Variants in ERG observed in about 807,000 individuals in gnomAD.
ERG encodes the protein ETS transcription factor ERG, also known as transcriptional regulator ERG.
Under a neutral mutation model 55.3 loss-of-function variants are expected in ERG, and 9 were observed. The ratio of observed to expected loss-of-function variants is 0.16; its 90% CI spans 0.10 to 0.28. ERG has a LOEUF of 0.28. ERG is among the 10% of genes least tolerant of loss of function. The pLI, the probability that ERG is intolerant of heterozygous loss-of-function variation, is 1.00. For synonymous variants in ERG, 223 were observed against 237.3 expected (o/e 0.94, Z 0.55); for missense variants, 434 against 631.6 (o/e 0.69, Z 3.35).
chr21:38,396,554 ACT>A (rs981546125), intron 6 of ERG, among the ~76,000 whole-genome samples: 1 of 152,234 alleles, frequency 6.6e-6, no homozygotes, highest in Non-Finnish European at 1.5e-5. Context: ...TGCAGGCTTA[ACT>A]CTCTAATCTC....
chr21:38,660,061 G>C (rs914363587), intron 1 of ERG, among the ~76,000 whole-genome samples: 1 of 152,004 alleles, frequency 6.6e-6, no homozygotes, highest in Non-Finnish European at 1.5e-5. Context: ...CTGGCGCTGA[G>C]AGCTGGTCCC....
chr21:38,548,229 T>C (rs1049974352), intron 2 of ERG, among the ~76,000 whole-genome samples: 1 of 152,086 alleles, frequency 6.6e-6, no homozygotes, highest in East Asian at 1.9e-4. Context: ...CACTTGAGGG[T>C]GAGGACAGTA....
In ERG at chr21:38,380,937, T is replaced by C. The variant is rs1987403477; in HGVS notation, c.*2466A>G. The C allele has an allele frequency of 1.9e-6, 2 of 1,065,202 alleles. No homozygotes were observed. Among genetic ancestry groups the C allele is most frequent in the South Asian group, 4.5e-5 (1 of 21,982 alleles). 66.0% of individuals were successfully genotyped at this position (1,065,202 alleles called of 1,614,324 possible). A position where few individuals can be genotyped will look rare whatever the true frequency, so the allele number is the denominator to read the frequency against. Reference sequence around the variant, plus strand: ...TTGACTTTGCATTCCAAAATAAAAATGACTGATCTTTTCCATTAGCACAGT... The same window carrying C: ...TTGACTTTGCATTCCAAAATAAAAACGACTGATCTTTTCCATTAGCACAGT... On this transcript the variant is annotated 3_prime_UTR_variant, in exon 10 of 10. Transcript: ENST00000288319.
At chr21:38,463,488 C>T (rs999042672) in intron 1 of ERG, among the ~76,000 whole-genome samples, 3 of 152,142 alleles carry the variant, frequency 2.0e-5, no homozygotes, top group Non-Finnish European at 4.4e-5. Flanking sequence ...CTGTAAGTGT[C>T]CACATATCAT....
chr21:38,565,309 C>G (rs1479216532), intron 2 of ERG, among the ~76,000 whole-genome samples: 1 of 152,184 alleles, frequency 6.6e-6, no homozygotes, highest in Non-Finnish European at 1.5e-5. Context: ...CAACATGGTT[C>G]TTTTAGAACT....
intron 3 of ERG, among the ~76,000 whole-genome samples, chr21:38,423,100 T>C (rs924348887): frequency 6.6e-5 from 10 of 151,628 alleles, no homozygotes; most frequent in Non-Finnish European, 1.5e-4. Context: ...TGTGTGTGTG[T>C]GTGTGTGTGT....
chr21:38,392,491 A>G (rs772493725), intron 6 of ERG, 47 bp from the exon 7 acceptor site: 11 of 1,304,820 alleles, frequency 8.4e-6, no homozygotes, highest in Admixed American at 3.1e-5. Flanking sequence ...TGTAATTTTT[A>G]TAAGAGATGC....
chr21:38,421,053 C>T (rs1989519309), intron 3 of ERG, among the ~76,000 whole-genome samples: 1 of 152,134 alleles, frequency 6.6e-6, no homozygotes, highest in Non-Finnish European at 1.5e-5. Flanking sequence ...CCAGGCACAT[C>T]CTAGCCTTCG....
chr21:38,518,643 A>G (rs901990450), intron 2 of ERG, among the ~76,000 whole-genome samples: 1 of 152,166 alleles, frequency 6.6e-6, no homozygotes, highest in Non-Finnish European at 1.5e-5. Context: ...CAGATAAACT[A>G]TAAATCTAAA....
chr21:38,472,054 G>A (rs934829602), intron 1 of ERG: 1 of 152,168 alleles, frequency 6.6e-6, no homozygotes, highest in African/African-American at 2.4e-5. Flanking sequence ...GAGCCTGAAT[G>A]CGGGCATTTG....
chr21:38,498,372 G>T lies in ERG; in HGVS notation c.9C>A (p.Ser3Arg). The T allele has an allele frequency of 6.2e-7, 1 of 1,601,712 alleles. No individual in the cohort carries two copies. The highest frequency in any genetic ancestry group is 8.5e-7 in the Non-Finnish European group (1 of 1,170,796). The part of the protein sequence containing the change: MA[S>R]TIKEALSVVS... ...GGAACCCTTTCCTTACCTTAATAGTGCTGGCCATAATGCGATCAAGTTTAT... is the reference window on the plus strand; with the variant it reads ...GGAACCCTTTCCTTACCTTAATAGTTCTGGCCATAATGCGATCAAGTTTAT... Residue 3 changes from serine (S) to arginine (R), a missense_variant, in exon 1 of 10, where the codon AGC becomes AGA. This residue lies in a region of ERG where 212 missense variants were observed against 262.9 expected (regional missense o/e 0.81). Coordinates refer to ENST00000288319, the MANE Select transcript of ERG (RefSeq NM_182918.4). This position sits in a 1 kb window ranked among gnomAD's most constrained non-coding sequence, Gnocchi z 4.6.
At chr21:38,503,035 T>C (rs890955015), upstream of ERG, among the ~76,000 whole-genome samples, 2 of 152,198 alleles carry the variant, frequency 1.3e-5, no homozygotes, top group Admixed American at 6.5e-5. Flanking sequence ...AATAACCTTT[T>C]GTAATAGTCA....
chr21:38,467,343 G>C (rs2059099951), intron 1 of ERG, among the ~76,000 whole-genome samples: 1 of 152,110 alleles, frequency 6.6e-6, no homozygotes, highest in Non-Finnish European at 1.5e-5. Context: ...CCTCCTCCTA[G>C]CTAGCTCCGG....
chr21:38,616,414 T>C (rs2060259474), intron 1 of ERG, among the ~76,000 whole-genome samples: 2 of 152,310 alleles, frequency 1.3e-5, no homozygotes, highest in South Asian at 4.1e-4. Flanking sequence ...AAAGCTATTT[T>C]TGTCTCAATA....
Position 38,498,119 on chromosome 21 carries a change from C to A in ERG, c.18+244G>T, listed in dbSNP as rs1442722625. The stretch of plus-strand genomic sequence containing the variant: ...TCCGAAAAGCCTTTCCAAAAGTAAT[C>A]CACAGCACTCAACAGTGAATTTAGA... On this transcript the variant is annotated intron_variant, in intron 1 of 9. Coordinates refer to ENST00000288319, the MANE Select transcript of ERG (RefSeq NM_182918.4). This position sits in a 1 kb window ranked among gnomAD's most constrained non-coding sequence, Gnocchi z 4.6. Among the ~76,000 whole-genome samples, 1 of 152,158 alleles carries A rather than the reference C, an allele frequency of 6.6e-6. No homozygotes were observed. The highest frequency in any genetic ancestry group is 1.5e-5 in the Non-Finnish European group (1 of 68,024).
At chr21:38,533,688 T>C (rs994706471) in intron 2 of ERG, among the ~76,000 whole-genome samples, 1 of 152,184 alleles carries the variant, frequency 6.6e-6, no homozygotes, top group African/African-American at 2.4e-5. Flanking sequence ...GAGTGTACAT[T>C]GCAATACCTC....
chr21:38,441,162 A>G (rs8131855), intron 2 of ERG, among the ~76,000 whole-genome samples: 18,042 of 152,130 alleles, frequency 0.12, 1,330 homozygotes, highest in African/African-American at 0.19. Context: ...TAAAAAGTAC[A>G]ATGGGTCACC....
At chr21:38,418,270 A>AGTGTGTGTGTGTGTGTGTGTGTGT (rs71184622) in intron 3 of ERG, among the ~76,000 whole-genome samples, 2 of 130,336 alleles carry the variant, frequency 1.5e-5, no homozygotes, top group Non-Finnish European at 3.5e-5. Flanking sequence ...AACATTTGGA[A>AGTGTGTGTGTGTGTGTGTGTGTGT]GTGTGTGTGT....
intron 5 of ERG, among the ~76,000 whole-genome samples, chr21:38,401,381 T>A (rs1988483162): frequency 6.6e-6 from 1 of 152,242 alleles, no homozygotes; most frequent in Admixed American, 6.5e-5. Flanking sequence ...AGTTATCTGT[T>A]ATTTCTGGCC....
Sources: gnomAD v4.1 joint callset for allele counts (sites outside exome capture counted in the v4.1 genomes callset) on GRCh38, gnomAD v4.1.1 for gene constraint, gnomAD v4.1.1 regional missense constraint, Gnocchi (gnomAD v3.1) non-coding constraint, MANE v1.5 for transcripts, NCBI Gene and HGNC (gene_info 2026-07-23, HGNC 2026-07-21) for gene names.